COL21A1: variants seen among roughly 807,000 people sequenced by gnomAD.
The protein encoded by COL21A1 is collagen type XXI alpha 1 chain.
A neutral mutation model predicts 137.9 loss-of-function variants in COL21A1; 149 were observed. The ratio of observed to expected loss-of-function variants is 1.08; its 90% CI spans 0.95 to 1.24. The LOEUF is 1.24. Among genes scored for constraint, COL21A1 ranks in the 50% most tolerant of loss-of-function variants. The pLI, the probability that COL21A1 is intolerant of heterozygous loss-of-function variation, is 0.00. For missense variants in COL21A1, 1,167 were observed against 1,158.4 expected, an observed-to-expected ratio of 1.01 and a Z score of -0.11; for synonymous variants, 456 against 391.5, an observed-to-expected ratio of 1.16 and a Z score of -1.95.
chr6:56,276,695 A>C (rs1763665139), intron 1 of COL21A1: 3 of 1,438,420 alleles, frequency 2.1e-6, no homozygotes, highest in Admixed American at 3.4e-5. Context: ...CAAATAGTTT[A>C]AGATGGCCTG....
At chr6:56,061,591 C>G in intron 25 of COL21A1, 58 bp downstream of exon 25, 1 of 1,248,072 alleles carries the variant, frequency 8.0e-7, no homozygotes, top group Non-Finnish European at 1.1e-6. Flanking sequence ...GTATTGAAAC[C>G]CAAGCAAAAA....
chr6:56,373,431 G>A (rs1189369696), intron 1 of COL21A1, among the ~76,000 whole-genome samples: 3 of 152,038 alleles, frequency 2.0e-5, no homozygotes, highest in Non-Finnish European at 2.9e-5. Flanking sequence ...GTGAAACCCC[G>A]CCTCTACTAA....
At chr6:56,198,383 G>A (rs1779171089) in intron 1 of COL21A1, among the ~76,000 whole-genome samples, 1 of 152,064 alleles carries the variant, frequency 6.6e-6, no homozygotes, top group East Asian at 1.9e-4. Flanking sequence ...AGAAAAAAAT[G>A]ATACCTAGTG....
At position 56,166,918 on chromosome 6, in the gene COL21A1, C is replaced by T. The variant is rs1192209645; in HGVS notation, c.1266G>A (p.Glu422=). 3 of 1,612,420 alleles carry T rather than the reference C, an allele frequency of 1.9e-6. No homozygotes were observed. Among genetic ancestry groups the T allele is most frequent in the East Asian group, 2.2e-5 (1 of 44,840 alleles). The change falls in exon 7 of 30, where the codon GAG becomes GAA. Residue 422 remains glutamate, a synonymous_variant. Transcript: ENST00000244728. ...CCCTCCTACTTACAAATCCAGGAAT[C>T]TCACATGCTGTCTCCCGGTTGTTCT... The part of the protein sequence containing the change: ...PEQNNRETAC[E]IPGFNGECLN...
At chr6:56,077,845 CAT>C (rs3065899) in intron 17 of COL21A1, 58,902 of 408,196 alleles carry the variant, frequency 0.14, 4,424 homozygotes, top group Middle Eastern at 0.18. Context: ...CACCCCAACA[CAT>C]GAGTGATAAA....
intron 22 of COL21A1, among the ~76,000 whole-genome samples, chr6:56,068,297 T>C (rs1201742546): frequency 1.3e-5 from 2 of 151,546 alleles, no homozygotes; most frequent in African/African-American, 4.8e-5. Context: ...GATGGAGACA[T>C]AAGAGTTTGT....
In COL21A1 at chr6:56,104,379, C is replaced by T. The variant is rs562975833; in HGVS notation, c.1759-2854G>A. ...TTATTACAAGATAATGGCCAGTCAT[C>T]TTTACCTAAGAACACTCTCTTCATT... On this transcript the variant is annotated intron_variant, in intron 16 of 29. Coordinates refer to ENST00000244728, the MANE Select transcript of COL21A1 (RefSeq NM_030820.4). Among the ~76,000 whole-genome samples, 14 of 152,264 alleles carry T rather than the reference C, an allele frequency of 9.2e-5. 1 individual carries two copies. The South Asian group carries it at 2.9e-3, about 32-fold the overall frequency.
At chr6:56,165,638 A>G (rs1010404025) in intron 7 of COL21A1, among the ~76,000 whole-genome samples, 1 of 152,206 alleles carries the variant, frequency 6.6e-6, no homozygotes, top group Non-Finnish European at 1.5e-5. Context: ...AAAACCCAGA[A>G]TAAATCCTTT....
At chr6:56,252,435 C>T (rs1782875599), upstream of COL21A1, among the ~76,000 whole-genome samples, 1 of 152,098 alleles carries the variant, frequency 6.6e-6, no homozygotes, top group Non-Finnish European at 1.5e-5. Context: ...AGCACAAAAG[C>T]TGTTTATGTG....
chr6:56,234,966 G>A (rs1390686882), intron 1 of COL21A1, among the ~76,000 whole-genome samples: 5 of 151,552 alleles, frequency 3.3e-5, no homozygotes, highest in South Asian at 2.1e-4. Context: ...ACTTCAGTTC[G>A]TGCATACTGA....
At chr6:56,174,276 G>GA (rs1423965540) in intron 3 of COL21A1, among the ~76,000 whole-genome samples, 6 of 150,840 alleles carry the variant, frequency 4.0e-5, no homozygotes, top group South Asian at 2.1e-4. Context: ...AGGACCTACA[G>GA]AAAAAAAAGA....
intron 10 of COL21A1, 133 bp from the exon 11 acceptor site, chr6:56,142,116 TAA>T: frequency 1.6e-6 from 1 of 636,264 alleles, no homozygotes; most frequent in Non-Finnish European, 2.7e-6. Context: ...TCCAAAATAA[TAA>T]AGTGTTAAAT....
intron 16 of COL21A1, among the ~76,000 whole-genome samples, chr6:56,116,603 C>T (rs1771953782): frequency 6.6e-6 from 1 of 151,740 alleles, no homozygotes. Context: ...AAATAATCAC[C>T]TGAAGGTAAA....
At chr6:56,293,817 T>G (rs1039882790) in intron 1 of COL21A1, among the ~76,000 whole-genome samples, 3 of 152,184 alleles carry the variant, frequency 2.0e-5, no homozygotes, top group Admixed American at 2.0e-4. Flanking sequence ...AAAAGTCCCA[T>G]GAAAATTTCC....
intron 16 of COL21A1, among the ~76,000 whole-genome samples, chr6:56,105,932 C>G (rs1770845291): frequency 6.6e-6 from 1 of 152,206 alleles, no homozygotes; most frequent in African/African-American, 2.4e-5. Context: ...TTACCTCACT[C>G]TGCATCCACC....
intron 1 of COL21A1, among the ~76,000 whole-genome samples, chr6:56,265,512 C>G (rs1276519511): frequency 6.6e-6 from 1 of 152,210 alleles, no homozygotes; most frequent in Non-Finnish European, 1.5e-5. Flanking sequence ...GACAATGATA[C>G]TCCCCATCCC....
At position 56,067,333 on chromosome 6, in the gene COL21A1, A is replaced by T; in HGVS notation, c.2092-3T>A. On this transcript the variant is annotated splice_polypyrimidine_tract_variant and splice_region_variant and intron_variant, in intron 22 of 29. Transcript: ENST00000244728. ...TCACCTTGATTTCCTTTGTCCCCCT[A>T]CAAAAAGGCAGTTTGATCTGTATCA... is the stretch of plus-strand genomic sequence containing the variant. 1 of 1,608,266 alleles carries T rather than the reference A, an allele frequency of 6.2e-7. No homozygotes were observed. The highest frequency in any genetic ancestry group is 8.5e-7 in the Non-Finnish European group (1 of 1,176,162).
chr6:56,292,061 C>T (rs9396193), intron 1 of COL21A1, among the ~76,000 whole-genome samples: 128,231 of 152,004 alleles, frequency 0.84, 56,063 homozygotes, highest in South Asian at 0.97. Context: ...CTGAGCTACT[C>T]GGGAGGCTGA....
intron 1 of COL21A1, among the ~76,000 whole-genome samples, chr6:56,195,746 C>G (rs1403717493): frequency 6.6e-6 from 1 of 152,038 alleles, no homozygotes; most frequent in Non-Finnish European, 1.5e-5. Context: ...AACAAAACCT[C>G]CCAACAGAAA....
Sources: gnomAD v4.1 joint callset for allele counts (sites outside exome capture counted in the v4.1 genomes callset) on GRCh38, gnomAD v4.1.1 for gene constraint, MANE v1.5 for transcripts, NCBI Gene and HGNC (gene_info 2026-07-23, HGNC 2026-07-21) for gene names.